Variants in FERMT1 observed in about 807,000 individuals in gnomAD.
The protein encoded by FERMT1 is fermitin family homolog 1.
A neutral mutation model predicts 85.3 loss-of-function variants in FERMT1; 60 were observed. The ratio of observed to expected loss-of-function variants is 0.70; its 90% confidence interval spans 0.57 to 0.87. FERMT1 has a LOEUF of 0.87. FERMT1 is among the 40% of genes least tolerant of loss of function. The pLI is 0.00. For missense variants in FERMT1, 701 were observed against 818.9 expected (o/e 0.86, Z 1.76); for synonymous variants, 275 against 301.1 (o/e 0.91, Z 0.90).
In FERMT1 at chr20:6,096,973, C is replaced by A. The variant is rs138745546; in HGVS notation, c.1018G>T (p.Val340Phe). Reference sequence around the variant, plus strand: ...GAAAGCGCCGCTTCTATTTCATCAACCTCGGACTCGCCTGCAAAATCCTGT... The same window carrying A: ...GAAAGCGCCGCTTCTATTTCATCAAACTCGGACTCGCCTGCAAAATCCTGT... ...ETQDFAGESE[V>F]DEIEAALSNL... The change falls in exon 8 of 15, where the codon GTT (valine) becomes TTT (phenylalanine). Residue 340 changes from valine to phenylalanine, a missense_variant. By Grantham distance (50) the Val-to-Phe change is conservative. Coordinates refer to ENST00000217289, the MANE Select transcript of FERMT1 (RefSeq NM_017671.5). 2.5e-6 allele frequency: 4 copies of A among 1,614,028 alleles called. No individual in the cohort carries two copies. In the East Asian group the frequency reaches 8.9e-5, roughly 36 times the overall value.
intron 13 of FERMT1, among the ~76,000 whole-genome samples, chr20:6,082,515 T>C (rs968390216): frequency 6.6e-6 from 1 of 152,188 alleles, no homozygotes; most frequent in East Asian, 1.9e-4. Context: ...TGCGCGCACA[T>C]AGTGGGTATC....
At chr20:6,115,212 TC>T (rs1435861466) in intron 3 of FERMT1, among the ~76,000 whole-genome samples, 2 of 152,250 alleles carry the variant, frequency 1.3e-5, no homozygotes, top group East Asian at 3.8e-4. Flanking sequence ...ATGGGGTGTT[TC>T]CTTCCCTTTA....
intron 14 of FERMT1, among the ~76,000 whole-genome samples, 163 bp downstream of exon 14, chr20:6,079,273 C>T (rs1239916120): frequency 6.6e-6 from 1 of 152,170 alleles, no homozygotes; most frequent in Non-Finnish European, 1.5e-5. Flanking sequence ...TAGGAAGCTG[C>T]CCAGAATTGC....
chr20:6,094,882 C>CTT, intron 9 of FERMT1, 57 bp downstream of exon 9: 1 of 1,000,262 alleles, frequency 1.0e-6, no homozygotes, highest in Admixed American at 1.7e-5. Flanking sequence ...CTCCTGCACT[C>CTT]TTTATCTTCA....
chr20:6,117,942 G>T (rs1239058667), intron 2 of FERMT1, among the ~76,000 whole-genome samples: 1 of 152,238 alleles, frequency 6.6e-6, no homozygotes, highest in South Asian at 2.1e-4. Flanking sequence ...GATTACAGGC[G>T]TGAGCCACTG....
At chr20:6,107,187 C>T (rs1207936523) in intron 6 of FERMT1, among the ~76,000 whole-genome samples, 1 of 132,146 alleles carries the variant, frequency 7.6e-6, no homozygotes, top group Non-Finnish European at 1.6e-5. Flanking sequence ...CAGAGCAAGA[C>T]TCTGTCTCAA....
In FERMT1 at chr20:6,118,212, G is replaced by A. The variant is rs185259765; in HGVS notation, c.151+1192C>T. 1.8e-3 allele frequency among the ~76,000 whole-genome samples: 275 copies of A among 152,256 alleles called. 3 individuals carry two copies. Among genetic ancestry groups the A allele is most frequent in the Middle Eastern group, 6.8e-3 (2 of 294 alleles). On this transcript the variant is annotated intron_variant, in intron 2 of 14. Transcript: ENST00000217289. ...TGGAATATTATATGGTAATGAAAAC[G>A]AACCAAAACAATATGCAACAGTATG...
intron 6 of FERMT1, among the ~76,000 whole-genome samples, chr20:6,105,876 T>C (rs1230762873): frequency 1.3e-5 from 2 of 152,238 alleles, no homozygotes; most frequent in African/African-American, 4.8e-5. Context: ...GGGCATATTT[T>C]ATGTATGTGT....
At chr20:6,119,297 C>G in intron 2 of FERMT1, 107 bp downstream of exon 2, 1 of 1,145,802 alleles carries the variant, frequency 8.7e-7, no homozygotes, top group Non-Finnish European at 1.3e-6. Context: ...GATTGCTCTC[C>G]AGGGCATTAC....
intron 2 of FERMT1, 41 bp from the exon 3 acceptor site, chr20:6,116,085 C>T (rs1983090483): frequency 1.4e-6 from 2 of 1,431,864 alleles, no homozygotes; most frequent in South Asian, 2.3e-5. Context: ...TGAGAGAGGG[C>T]CCAGCTTGGA....
intron 2 of FERMT1, among the ~76,000 whole-genome samples, chr20:6,117,131 C>T (rs575836445): frequency 9.5e-4 from 145 of 152,270 alleles, no homozygotes; most frequent in African/African-American, 3.4e-3. Flanking sequence ...CCTCCTTTAA[C>T]GTTGGCATTA....
At chr20:6,092,828 A>T (rs919534515) in intron 9 of FERMT1, among the ~76,000 whole-genome samples, 11 of 152,148 alleles carry the variant, frequency 7.2e-5, no homozygotes, top group African/African-American at 2.7e-4. Flanking sequence ...AAACCATGAC[A>T]ACCTGTCTCT....
chr20:6,106,312 T>A (rs1982795854), intron 6 of FERMT1, among the ~76,000 whole-genome samples: 1 of 152,074 alleles, frequency 6.6e-6, no homozygotes, highest in Non-Finnish European at 1.5e-5. Context: ...AGATGGCAGT[T>A]GGGGAAACAG....
intron 1 of FERMT1, among the ~76,000 whole-genome samples, chr20:6,122,377 A>G (rs1983300201): frequency 6.6e-6 from 1 of 152,216 alleles, no homozygotes; most frequent in African/African-American, 2.4e-5. Flanking sequence ...AGTCAAAGAA[A>G]CGAAAGCATG....
At chr20:6,078,022 C>G (rs1265320735) in intron 14 of FERMT1, among the ~76,000 whole-genome samples, 2 of 152,214 alleles carry the variant, frequency 1.3e-5, no homozygotes, top group Non-Finnish European at 2.9e-5. Context: ...AATTTTCCTA[C>G]AGCCACTGCC....
At chr20:6,083,680 A>T (rs939704798) in intron 13 of FERMT1, among the ~76,000 whole-genome samples, 1 of 96,562 alleles carries the variant, frequency 1.0e-5, no homozygotes, top group Non-Finnish European at 2.1e-5. Flanking sequence ...CACCCTCCCC[A>T]CACCCGATCT....
At chr20:6,096,310 G>A (rs1982497358) in intron 8 of FERMT1, among the ~76,000 whole-genome samples, 2 of 152,238 alleles carry the variant, frequency 1.3e-5, no homozygotes, top group Admixed American at 1.3e-4. Context: ...AGAGTCACTT[G>A]AGCCCTGGAG....
At chr20:6,117,255 T>C (rs1292661634) in intron 2 of FERMT1, among the ~76,000 whole-genome samples, 1 of 152,166 alleles carries the variant, frequency 6.6e-6, no homozygotes, top group Non-Finnish European at 1.5e-5. Context: ...TGATTTTTTC[T>C]TTCTCTTTTA....
intron 6 of FERMT1, among the ~76,000 whole-genome samples, chr20:6,098,330 T>G (rs1377246839): frequency 6.6e-6 from 1 of 152,220 alleles, no homozygotes; most frequent in Non-Finnish European, 1.5e-5. Context: ...GATAGGATTT[T>G]TTAAATGAAA....
Sources: gnomAD v4.1 joint callset for allele counts (sites outside exome capture counted in the v4.1 genomes callset) on GRCh38, gnomAD v4.1.1 for gene constraint, MANE v1.5 for transcripts, NCBI Gene and HGNC (gene_info 2026-07-23, HGNC 2026-07-21) for gene names.